Variants in QPRT observed in about 807,000 individuals in gnomAD.
The protein encoded by QPRT is nicotinate-nucleotide pyrophosphorylase [carboxylating].
In QPRT, 17 loss-of-function variants were observed where a neutral mutation model predicts 19.8. That is an observed-to-expected ratio of 0.86 (90% CI 0.59 to 1.29). The LOEUF (loss-of-function observed/expected upper bound fraction) is 1.29. Among genes scored for constraint, QPRT ranks in the 50% most tolerant of loss-of-function variants. The pLI is 0.00. For synonymous variants in QPRT, 178 were observed against 191.0 expected (o/e 0.93, Z 0.56); for missense variants, 336 against 405.1 (o/e 0.83, Z 1.46).
intron 1 of QPRT, among the ~76,000 whole-genome samples, chr16:29,693,191 C>A (rs1350391550): frequency 6.6e-6 from 1 of 152,130 alleles, no homozygotes; most frequent in African/African-American, 2.4e-5. Context: ...TGACTGTAGT[C>A]ACCCTGTTGT....
rs769044779 is a variant in QPRT at position 29,679,218 on chromosome 16, G to A, written c.13+8G>A. 6.2e-7 allele frequency: 1 copy of A among 1,606,388 alleles called. No homozygotes were observed. The highest frequency in any genetic ancestry group is 1.1e-5 in the South Asian group (1 of 90,828). On this transcript the variant is annotated splice_region_variant and intron_variant, in intron 1 of 3. Transcript: ENST00000395384. ...TCACCATGGACGCTGAAGGTAAAGGGACACTCTCTCTGCCATGTCCCTGCA... is the reference window on the plus strand; with the variant it reads ...TCACCATGGACGCTGAAGGTAAAGGAACACTCTCTCTGCCATGTCCCTGCA...
intron 1 of QPRT, among the ~76,000 whole-genome samples, chr16:29,685,357 G>A (rs1967130697): frequency 6.6e-6 from 1 of 152,112 alleles, no homozygotes; most frequent in African/African-American, 2.4e-5. Context: ...TGTAATCCCA[G>A]CTACTCGGGA....
chr16:29,690,776 G>T (rs1326356229), intron 1 of QPRT, among the ~76,000 whole-genome samples: 1 of 152,044 alleles, frequency 6.6e-6, no homozygotes, highest in African/African-American at 2.4e-5. Flanking sequence ...TGCAAACTCC[G>T]CCTCCCTGGT....
intron 1 of QPRT, among the ~76,000 whole-genome samples, chr16:29,693,235 A>AT (rs1301465481): frequency 2.0e-5 from 3 of 151,642 alleles, no homozygotes; most frequent in Non-Finnish European, 2.9e-5. Context: ...CATTCTTTCT[A>AT]TTTTTTTTGT....
chr16:29,688,149 A>G (rs1225226606), intron 1 of QPRT, among the ~76,000 whole-genome samples: 3 of 151,526 alleles, frequency 2.0e-5, no homozygotes, highest in Non-Finnish European at 4.4e-5. Context: ...ACTCTACACC[A>G]TGGGGGTTAT....
At chr16:29,684,837 C>T (rs1478512982) in intron 1 of QPRT, among the ~76,000 whole-genome samples, 1 of 152,224 alleles carries the variant, frequency 6.6e-6, no homozygotes, top group Non-Finnish European at 1.5e-5. Context: ...AGCTTCTGTT[C>T]TTGTGAAATG....
At chr16:29,692,719 G>A (rs956506284) in intron 1 of QPRT, among the ~76,000 whole-genome samples, 1 of 152,098 alleles carries the variant, frequency 6.6e-6, no homozygotes, top group African/African-American at 2.4e-5. Context: ...CACTGCAGGC[G>A]CCACAGTGGC....
rs200883804 is a variant in QPRT at position 29,697,250 on chromosome 16, G to A, written c.733G>A (p.Val245Met). The change falls in exon 4 of 4, where the codon GTG (valine) becomes ATG (methionine). Residue 245 changes from valine (V) to methionine (M), a missense_variant. Transcript: ENST00000395384. The surrounding 1 kb of genome is among the most constrained non-coding windows in gnomAD (Gnocchi z 4.4). ...VLKAQFPSVA[V>M]EASGGITLDN... ...GAAGGCCCAGTTCCCGAGTGTGGCT[G>A]TGGAAGCCAGTGGGGGCATCACCCT... 1 of 1,613,904 alleles carries A rather than the reference G, an allele frequency of 6.2e-7. No individual in the cohort carries two copies. The highest frequency in any genetic ancestry group is 2.2e-5 in the East Asian group (1 of 44,886).
chr16:29,681,687 G>T (rs1390992049), intron 1 of QPRT, among the ~76,000 whole-genome samples: 1 of 149,358 alleles, frequency 6.7e-6, no homozygotes, highest in African/African-American at 2.5e-5. Context: ...AGTAGAGATG[G>T]GGTGTCACCA....
chr16:29,692,800 A>G (rs2142308681), intron 1 of QPRT, among the ~76,000 whole-genome samples: 1 of 152,242 alleles, frequency 6.6e-6, no homozygotes, highest in East Asian at 1.9e-4. Context: ...GCAGTGGCTC[A>G]CGCCTGTAAT....
intron 2 of QPRT, 159 bp from the exon 3 acceptor site, chr16:29,696,837 T>C (rs1967550450): frequency 1.2e-6 from 1 of 825,366 alleles, no homozygotes; most frequent in South Asian, 2.0e-5. Flanking sequence ...TAACCCCAAG[T>C]TCATGGTCCA....
At chr16:29,682,383 C>A (rs577433965) in intron 1 of QPRT, among the ~76,000 whole-genome samples, 1 of 151,860 alleles carries the variant, frequency 6.6e-6, no homozygotes, top group East Asian at 1.9e-4. Context: ...TTCTTTCTTT[C>A]TTTTTTGAGA....
intron 1 of QPRT, among the ~76,000 whole-genome samples, chr16:29,683,597 G>T (rs1172520735): frequency 4.0e-5 from 6 of 151,828 alleles, no homozygotes; most frequent in African/African-American, 1.5e-4. Flanking sequence ...GGCCTCAAGC[G>T]ATCCTTCTGC....
chr16:29,683,127 C>T (rs1406600969), intron 1 of QPRT, among the ~76,000 whole-genome samples: 3 of 151,378 alleles, frequency 2.0e-5, no homozygotes, highest in Non-Finnish European at 4.4e-5. Flanking sequence ...CAGATTCAAG[C>T]GATTCTCTCA....
At chr16:29,680,159 A>G (rs780118432) in intron 1 of QPRT, among the ~76,000 whole-genome samples, 30 of 152,004 alleles carry the variant, frequency 2.0e-4, no homozygotes, top group Non-Finnish European at 3.4e-4. Context: ...GGGTTTCACC[A>G]TGTTAGCCAG....
At chr16:29,683,124 A>G (rs1967061519) in intron 1 of QPRT, among the ~76,000 whole-genome samples, 1 of 151,284 alleles carries the variant, frequency 6.6e-6, no homozygotes, top group Non-Finnish European at 1.5e-5. Flanking sequence ...TCCCAGATTC[A>G]AGCGATTCTC....
At position 29,695,214 on chromosome 16, in the gene QPRT, T is replaced by A; in HGVS notation, c.549+15T>A. ...GCGTGGAGAAGGTGCTGGTCCTGCC[T>A]GTCCCTGGTCCAACCCCACCCTCAG... is the stretch of plus-strand genomic sequence containing the variant. On this transcript the variant is annotated intron_variant, in intron 2 of 3. Transcript: ENST00000395384. 6.6e-7 allele frequency: 1 copy of A among 1,521,428 alleles called. No individual in the cohort carries two copies. The highest frequency in any genetic ancestry group is 2.4e-5 in the East Asian group (1 of 40,862). 94.2% of individuals were successfully genotyped at this position (1,521,428 alleles called of 1,614,324 possible).
At position 29,695,085 on chromosome 16, in the gene QPRT, G is replaced by C. The variant is rs1429101928; in HGVS notation, c.435G>C (p.Arg145=). 1 of 1,605,646 alleles carries C rather than the reference G, an allele frequency of 6.2e-7. No individual in the cohort carries two copies. Residue 145 remains arginine, a synonymous_variant, in exon 2 of 4, where the codon CGG becomes CGC. Transcript: ENST00000395384. ...AGTRKTTPGF[R]LVEKYGLLVG... ...CGAGGAAGACCACGCCAGGCTTCCG[G>C]CTGGTGGAGAAGTATGGGCTCCTGG...
intron 1 of QPRT, among the ~76,000 whole-genome samples, chr16:29,686,622 A>T (rs557356077): frequency 6.6e-6 from 1 of 152,116 alleles, no homozygotes; most frequent in East Asian, 1.9e-4. Flanking sequence ...CAGCCTCCCG[A>T]GTAGCTGGGA....
Sources: allele counts gnomAD v4.1 joint callset (sites outside exome capture counted in the v4.1 genomes callset), GRCh38; gene constraint gnomAD v4.1.1; non-coding constraint Gnocchi (gnomAD v3.1); transcripts MANE v1.5; gene names NCBI Gene and HGNC (gene_info 2026-07-23, HGNC 2026-07-21).